Variants in MSI2 observed in about 807,000 individuals in gnomAD.
MSI2 encodes the protein RNA-binding protein Musashi homolog 2.
A neutral mutation model predicts 45.6 loss-of-function variants in MSI2; 17 were observed. That is an observed-to-expected ratio of 0.37 (90% CI 0.26 to 0.56). The LOEUF is 0.56. Ranked by LOEUF, MSI2 falls within the 20% of genes least tolerant of loss-of-function variation. The pLI is 0.77. For synonymous variants in MSI2, 156 were observed against 158.2 expected (o/e 0.99, Z 0.11); for missense variants, 293 against 444.2 (o/e 0.66, Z 3.06).
chr17:57,416,740 A>G (rs2084301477), intron 6 of MSI2, among the ~76,000 whole-genome samples: 1 of 152,188 alleles, frequency 6.6e-6, no homozygotes. Flanking sequence ...AGGTTAGTTA[A>G]GGGAGTTCCT....
rs373628496 is a variant in MSI2, at chr17:57,502,970, A to AT, written c.406-26696dup. ...TTGTTTGTTCTGTATGAGACACTTA[A>AT]TTTTTTTTTTCAGTGATTTACTCCT... On this transcript the variant is annotated intron_variant, in intron 6 of 13. Coordinates refer to ENST00000284073, the MANE Select transcript of MSI2 (RefSeq NM_138962.4). Among the ~76,000 whole-genome samples the AT allele has an allele frequency of 9.4e-4, 141 of 149,746 alleles. 1 individual carries two copies. The highest frequency in any genetic ancestry group is 3.3e-3 in the African/African-American group (133 of 40,792).
chr17:57,654,162 A>G (rs1193918826), intron 11 of MSI2, among the ~76,000 whole-genome samples: 1 of 152,240 alleles, frequency 6.6e-6, no homozygotes, highest in Non-Finnish European at 1.5e-5. Flanking sequence ...GTGCAGGGTC[A>G]GCCTGGAAGC....
chr17:57,487,866 G>A (rs990367431), intron 6 of MSI2, among the ~76,000 whole-genome samples: 1 of 151,616 alleles, frequency 6.6e-6, no homozygotes, highest in South Asian at 2.1e-4. Context: ...CCGGTCTATT[G>A]GGTTGCGTCT....
Position 57,529,630 on chromosome 17 carries a change from T to G in MSI2, c.406-46T>G. The G allele has an allele frequency of 6.3e-7, 1 of 1,585,690 alleles. No homozygotes were observed. The highest frequency in any genetic ancestry group is 2.2e-5 in the East Asian group (1 of 44,614). On this transcript the variant is annotated intron_variant, in intron 6 of 13. Coordinates refer to ENST00000284073, the MANE Select transcript of MSI2 (RefSeq NM_138962.4). The surrounding 1 kb of genome is among the most constrained non-coding windows in gnomAD (Gnocchi z 5.3). ...ACATGCATATAATGTTTTGTGTACT[T>G]TCTTAAAATTCCTAAGGCAGCCTGT...
chr17:57,698,463 C>T, the MSI2 span, among the ~76,000 whole-genome samples: 7 of 152,230 alleles, frequency 4.6e-5, 1 homozygote, highest in Admixed American at 3.9e-4. Context: ...TTCTGCCTTT[C>T]CTCAGCTCCC....
At chr17:57,406,424 A>G (rs1243471608) in intron 6 of MSI2, among the ~76,000 whole-genome samples, 5 of 152,108 alleles carry the variant, frequency 3.3e-5, no homozygotes, top group East Asian at 1.9e-4. Context: ...GATTTTGGAG[A>G]TCAAAAAGAG....
chr17:57,383,374 A>T (rs2144037069), intron 5 of MSI2, among the ~76,000 whole-genome samples: 1 of 152,354 alleles, frequency 6.6e-6, no homozygotes, highest in African/African-American at 2.4e-5. Context: ...AACCATTTCT[A>T]GGCTGGGTGC....
At chr17:57,379,685 A>T (rs2083565148) in intron 5 of MSI2, among the ~76,000 whole-genome samples, 1 of 152,080 alleles carries the variant, frequency 6.6e-6, no homozygotes, top group African/African-American at 2.4e-5. Flanking sequence ...CAGGCTGGCG[A>T]TAAGGGGCCT....
chr17:57,387,175 T>C (rs2083700999), intron 5 of MSI2, among the ~76,000 whole-genome samples: 1 of 152,246 alleles, frequency 6.6e-6, no homozygotes, highest in Non-Finnish European at 1.5e-5. Context: ...TTTTCCTTTT[T>C]TCTTTTTCAT....
At chr17:57,642,312 C>T (rs2144655813) in intron 10 of MSI2, among the ~76,000 whole-genome samples, 1 of 152,284 alleles carries the variant, frequency 6.6e-6, no homozygotes, top group Non-Finnish European at 1.5e-5. Context: ...GCCACTTGAT[C>T]TTGGAGAAAA....
Position 57,500,101 on chromosome 17 carries a change from C to T in MSI2, c.406-29575C>T, listed in dbSNP as rs144559143. Among the ~76,000 whole-genome samples the T allele has an allele frequency of 2.5e-3, 373 of 152,232 alleles. 4 individuals are homozygous for T. The highest frequency in any genetic ancestry group is 8.8e-3 in the African/African-American group (364 of 41,534). On this transcript the variant is annotated intron_variant, in intron 6 of 13. Coordinates refer to ENST00000284073, the MANE Select transcript of MSI2 (RefSeq NM_138962.4). ...TGTGGCACGGGGGAGATATTGTGGC[C>T]ATCTTAGGAGAATACAGTCTGCCAC...
intron 8 of MSI2, among the ~76,000 whole-genome samples, chr17:57,597,884 C>T (rs1428643986): frequency 1.3e-5 from 2 of 152,214 alleles, no homozygotes; most frequent in Non-Finnish European, 2.9e-5. Context: ...TCTTGATCAG[C>T]TGCTTCCTTC....
At chr17:57,486,026 A>G (rs140575330) in intron 6 of MSI2, among the ~76,000 whole-genome samples, 11 of 152,356 alleles carry the variant, frequency 7.2e-5, no homozygotes, top group African/African-American at 2.6e-4. Flanking sequence ...CGGTTTCGCC[A>G]ACCAGGCTCA....
rs553358638 is a variant in MSI2 at position 57,291,184 on chromosome 17, C to T, written c.312+28992C>T. Reference sequence around the variant, plus strand: ...CGGGTAACTGGTATGTGTGTGCATGCGTGCAAAAGAAAACATCAAAATGTT... The same window carrying T: ...CGGGTAACTGGTATGTGTGTGCATGTGTGCAAAAGAAAACATCAAAATGTT... On this transcript the variant is annotated intron_variant, in intron 5 of 13. Transcript: ENST00000284073. Among the ~76,000 whole-genome samples, 127 of 152,240 alleles carry T rather than the reference C, an allele frequency of 8.3e-4. 3 individuals carry two copies. Among genetic ancestry groups the T allele is most frequent in the Admixed American group, 4.4e-3 (67 of 15,290 alleles).
intron 6 of MSI2, among the ~76,000 whole-genome samples, chr17:57,494,563 A>G (rs1351174403): frequency 6.6e-6 from 1 of 152,174 alleles, no homozygotes; most frequent in Non-Finnish European, 1.5e-5. Context: ...CTTATAGAGA[A>G]TGTTGTTTTC....
intron 10 of MSI2, among the ~76,000 whole-genome samples, chr17:57,651,141 G>T (rs1027522567): frequency 6.6e-5 from 10 of 152,144 alleles, no homozygotes; most frequent in Non-Finnish European, 4.4e-5. Flanking sequence ...GCTGAGAGAA[G>T]CCCAGGGTAG....
intron 5 of MSI2, among the ~76,000 whole-genome samples, chr17:57,320,935 C>T (rs1407156731): frequency 6.6e-6 from 1 of 152,054 alleles, no homozygotes; most frequent in African/African-American, 2.4e-5. Flanking sequence ...TGCTCCCTGC[C>T]ATGCTGCCTT....
intron 6 of MSI2, among the ~76,000 whole-genome samples, chr17:57,460,995 CTTTGT>C (rs904636426): frequency 6.6e-6 from 1 of 152,146 alleles, no homozygotes; most frequent in African/African-American, 2.4e-5. Flanking sequence ...CTGCAGCCCT[CTTTGT>C]AGGTGCTTTG....
At chr17:57,647,430 C>CA (rs1319997764) in intron 10 of MSI2, among the ~76,000 whole-genome samples, 18 of 146,394 alleles carry the variant, frequency 1.2e-4, no homozygotes, top group African/African-American at 4.6e-4. Context: ...GCCTGAACAT[C>CA]AGAGTGAGAC....
Sources: allele counts gnomAD v4.1 joint callset (sites outside exome capture counted in the v4.1 genomes callset), GRCh38; gene constraint gnomAD v4.1.1; non-coding constraint Gnocchi (gnomAD v3.1); transcripts MANE v1.5; gene names NCBI Gene and HGNC (gene_info 2026-07-23, HGNC 2026-07-21).